KLHDC10: variants seen among roughly 807,000 people sequenced by gnomAD.
KLHDC10 encodes the protein kelch domain-containing protein 10.
In KLHDC10, 24 loss-of-function variants were observed where a neutral mutation model predicts 56.1. That is an observed-to-expected ratio of 0.43 (90% CI 0.31 to 0.60). The LOEUF (loss-of-function observed/expected upper bound fraction) is 0.60. Ranked by LOEUF, KLHDC10 falls within the 20% of genes least tolerant of loss-of-function variation. KLHDC10 has a pLI of 0.11. For missense variants in KLHDC10, 349 were observed against 567.0 expected (o/e 0.62, Z 3.91); for synonymous variants, 188 against 207.1 (o/e 0.91, Z 0.79).
At chr7:130,096,746 A>G (rs1458500817) in intron 1 of KLHDC10, among the ~76,000 whole-genome samples, 175 bp from the exon 2 acceptor site, 1 of 152,182 alleles carries the variant, frequency 6.6e-6, no homozygotes, top group African/African-American at 2.4e-5. Flanking sequence ...CACTGCTTAT[A>G]TGTTAATTTA....
At chr7:130,074,831 G>A (rs567430521) in intron 1 of KLHDC10, among the ~76,000 whole-genome samples, 68 of 152,004 alleles carry the variant, frequency 4.5e-4, no homozygotes, top group Non-Finnish European at 7.9e-4. Context: ...GGCTGGTCTC[G>A]AACTCCTGAT....
chr7:130,110,682 G>A (rs140549712), intron 2 of KLHDC10, among the ~76,000 whole-genome samples: 2 of 152,312 alleles, frequency 1.3e-5, no homozygotes, highest in South Asian at 2.1e-4. Flanking sequence ...GTCTTTTGTG[G>A]TAGAGGTAAT....
chr7:130,083,219 A>G (rs1795633398), intron 1 of KLHDC10, among the ~76,000 whole-genome samples: 1 of 152,176 alleles, frequency 6.6e-6, no homozygotes, highest in Admixed American at 6.5e-5. Context: ...TTTAATGGCT[A>G]TATCATCAAT....
intron 6 of KLHDC10, 66 bp downstream of exon 6, chr7:130,124,601 G>C: frequency 1.2e-6 from 1 of 810,226 alleles, no homozygotes; most frequent in Non-Finnish European, 2.1e-6. Context: ...CGTCAACCAA[G>C]CAAGATAATT....
Position 130,125,922 on chromosome 7 carries a change from GA to G in KLHDC10, c.928del (p.Ile310Ter). On this transcript the variant is annotated frameshift_variant, in exon 7 of 10. Transcript: ENST00000335420. LOFTEE classifies it high-confidence loss of function. ...GGAGGAAATTGCAACAAAACCCCAT[GA>G]AAAAATAGGTAAATTTAAAGTATTG... ...AWEEIATKPHEKIGFPAARRC... is the reference protein window; with the variant it reads ...AWEEIATKPHXKIGFPAARRC... 6.3e-7 allele frequency: 1 copy of G among 1,589,104 alleles called. No homozygotes were observed. Among genetic ancestry groups the G allele is most frequent in the Non-Finnish European group, 8.6e-7 (1 of 1,168,012 alleles).
intron 8 of KLHDC10, among the ~76,000 whole-genome samples, chr7:130,128,893 T>A (rs555158733): frequency 0.052 from 3,656 of 69,654 alleles, 195 homozygotes; most frequent in African/African-American, 0.14. Context: ...AAAAAAAATA[T>A]ATATATATAT....
At chr7:130,093,624 ATATATT>A (rs1016563700) in intron 1 of KLHDC10, among the ~76,000 whole-genome samples, 1 of 152,220 alleles carries the variant, frequency 6.6e-6, no homozygotes, top group Admixed American at 6.5e-5. Context: ...CAGACCAGTA[ATATATT>A]TATATGAAAC....
intron 1 of KLHDC10, among the ~76,000 whole-genome samples, chr7:130,087,762 CT>C (rs777285968): frequency 3.6e-3 from 513 of 140,596 alleles, no homozygotes; most frequent in Non-Finnish European, 3.3e-3. Flanking sequence ...TATGGAATTT[CT>C]TTTTTTTTTT....
intron 2 of KLHDC10, among the ~76,000 whole-genome samples, chr7:130,100,614 T>G (rs1245963824): frequency 6.6e-6 from 1 of 152,224 alleles, no homozygotes; most frequent in Non-Finnish European, 1.5e-5. Flanking sequence ...GTTGAGAACA[T>G]GAAAATGCTA....
At chr7:130,126,031 T>C (rs931078449) in intron 7 of KLHDC10, 100 bp downstream of exon 7, 2 of 848,624 alleles carry the variant, frequency 2.4e-6, no homozygotes, top group African/African-American at 1.8e-5. Flanking sequence ...ATATGTCAAG[T>C]TAAATACCTG....
Position 130,077,353 on chromosome 7 carries a change from CAAAAAAAAAAAA to C in KLHDC10, c.166+6562_166+6573del, listed in dbSNP as rs35132418. Among the ~76,000 whole-genome samples the C allele has an allele frequency of 2.8e-4, 5 of 17,900 alleles. 1 individual carries two copies. Among genetic ancestry groups the C allele is most frequent in the African/African-American group, 5.1e-4 (2 of 3,926 alleles). The allele number at this position is 17,900 out of a possible 152,430, so 11.7% of individuals were successfully genotyped here. A position where few individuals can be genotyped will look rare whatever the true frequency, so the allele number is the denominator to read the frequency against. ...TGGGTGACTGAACAAGACTCTGTCTCAAAAAAAAAAAAAAAAAAAAAAAAAAAAACAGTATAT... is the reference window on the plus strand; with the variant it reads ...TGGGTGACTGAACAAGACTCTGTCTCAAAAAAAAAAAAAAAAACAGTATAT... On this transcript the variant is annotated intron_variant, in intron 1 of 9. Coordinates refer to ENST00000335420, the MANE Select transcript of KLHDC10 (RefSeq NM_014997.4).
chr7:130,124,346 A>G lies in KLHDC10; in HGVS notation c.780-105A>G, dbSNP rs369693399. On this transcript the variant is annotated intron_variant, in intron 5 of 9. Coordinates refer to ENST00000335420, the MANE Select transcript of KLHDC10 (RefSeq NM_014997.4). ...TTGTTAAACGCCTAGGTTATTTCCA[A>G]TAACTTATTGTTATAAATAATGATG... The G allele has an allele frequency of 4.6e-4, 308 of 670,558 alleles. No individual in the cohort carries two copies. The African/African-American group carries it at 5.2e-3, about 11-fold the overall frequency. The allele number at this position is 670,558 out of a possible 1,614,324, so 41.5% of individuals were successfully genotyped here. A position where few individuals can be genotyped will look rare whatever the true frequency, so the allele number is the denominator to read the frequency against.
At chr7:130,115,008 G>A (rs888947932) in intron 2 of KLHDC10, among the ~76,000 whole-genome samples, 2 of 152,252 alleles carry the variant, frequency 1.3e-5, no homozygotes, top group Middle Eastern at 3.4e-3. Flanking sequence ...CAGGTTGGAC[G>A]TGAGTGACTC....
At chr7:130,071,484 G>A (rs879300511) in intron 1 of KLHDC10, among the ~76,000 whole-genome samples, 1 of 152,212 alleles carries the variant, frequency 6.6e-6, no homozygotes, top group African/African-American at 2.4e-5. Flanking sequence ...CTGAGAATTG[G>A]AAAAATGTAC....
At chr7:130,084,733 C>T (rs529860549) in intron 1 of KLHDC10, among the ~76,000 whole-genome samples, 1 of 149,500 alleles carries the variant, frequency 6.7e-6, no homozygotes, top group East Asian at 2.0e-4. Flanking sequence ...GTCATGATTG[C>T]ACCACAGCAC....
chr7:130,128,899 T>G (rs865909116), intron 8 of KLHDC10, among the ~76,000 whole-genome samples: 1 of 102,976 alleles, frequency 9.7e-6, no homozygotes, highest in African/African-American at 3.9e-5. Context: ...AATATATATA[T>G]ATATATATAT....
chr7:130,072,757 T>TTTATTTA (rs1249793978), intron 1 of KLHDC10, among the ~76,000 whole-genome samples: 1 of 151,512 alleles, frequency 6.6e-6, no homozygotes, highest in Non-Finnish European at 1.5e-5. Flanking sequence ...AATTTATTTA[T>TTTATTTA]TTATTTATTT....
chr7:130,109,057 G>C (rs1007708284), intron 2 of KLHDC10, among the ~76,000 whole-genome samples: 1 of 151,974 alleles, frequency 6.6e-6, no homozygotes, highest in African/African-American at 2.4e-5. Flanking sequence ...TGGGACTGCA[G>C]GTGTGCGCCA....
At chr7:130,083,790 A>G (rs1381882444) in intron 1 of KLHDC10, among the ~76,000 whole-genome samples, 3 of 152,158 alleles carry the variant, frequency 2.0e-5, no homozygotes. Flanking sequence ...TGTCAAGTCA[A>G]AGGGACATTT....
Sources: gnomAD v4.1 joint callset for allele counts (sites outside exome capture counted in the v4.1 genomes callset) on GRCh38, gnomAD v4.1.1 for gene constraint, MANE v1.5 for transcripts, NCBI Gene and HGNC (gene_info 2026-07-23, HGNC 2026-07-21) for gene names.